The following SVEP1 variants were observed in gnomAD, a reference collection of about 807,000 sequenced individuals.
SVEP1 encodes the protein sushi, von Willebrand factor type A, EGF and pentraxin domain containing 1.
A neutral mutation model predicts 367.3 loss-of-function variants in SVEP1; 164 were observed. The observed-to-expected ratio is 0.45, with a 90% CI of 0.39 to 0.51. The LOEUF is 0.51. Ranked by LOEUF, SVEP1 falls within the 20% of genes least tolerant of loss-of-function variation. SVEP1 has a pLI of 0.00. For missense variants in SVEP1, 4,117 were observed against 4,425.3 expected, an observed-to-expected ratio of 0.93 and a Z score of 1.98; for synonymous variants, 1,666 against 1,611.6, an observed-to-expected ratio of 1.03 and a Z score of -0.81.
At chr9:110,483,868 A>G (rs991115593) in intron 9 of SVEP1, among the ~76,000 whole-genome samples, 175 bp from the exon 10 acceptor site, 4 of 152,190 alleles carry the variant, frequency 2.6e-5, no homozygotes, top group Admixed American at 6.5e-5. Context: ...ACACCAAAGG[A>G]AAGAGCTGCT....
At chr9:110,524,976 T>A (rs948038251) in intron 3 of SVEP1, among the ~76,000 whole-genome samples, 2 of 152,116 alleles carry the variant, frequency 1.3e-5, no homozygotes. Flanking sequence ...CTTCCCGAAG[T>A]GCTGGGACTT....
chr9:110,512,563 T>G (rs571694983), intron 5 of SVEP1, among the ~76,000 whole-genome samples: 1 of 152,168 alleles, frequency 6.6e-6, no homozygotes, highest in African/African-American at 2.4e-5. Flanking sequence ...AGGATACTTG[T>G]GTGATTCCTT....
In SVEP1 at chr9:110,406,693, G is replaced by A; in HGVS notation, c.8907C>T (p.Gly2969=). 2 of 1,613,958 alleles carry A rather than the reference G, an allele frequency of 1.2e-6. No homozygotes were observed. Among genetic ancestry groups the A allele is most frequent in the Non-Finnish European group, 1.7e-6 (2 of 1,179,884 alleles). Residue 2969 remains glycine (G), a synonymous_variant, in exon 38 of 48, where the codon GGC becomes GGT. Transcript: ENST00000374469. Reference sequence around the variant, plus strand: ...CAGGAAAGCACTGATACTGTATATGGCCCCCATGAATAAAGGAAAAACCAT... The same window carrying A: ...CAGGAAAGCACTGATACTGTATATGACCCCCATGAATAAAGGAAAAACCAT... ...FPNGFSFIHG[G]HIQYQCFPGY...
intron 36 of SVEP1, among the ~76,000 whole-genome samples, chr9:110,423,158 AAAAAT>A (rs1588045548): frequency 1.5e-5 from 2 of 135,026 alleles, no homozygotes; most frequent in African/African-American, 2.9e-5. Context: ...AAAAAAATAA[AAAAAT>A]AAAGTAAAAA....
At chr9:110,447,260 C>T (rs541739392) in intron 24 of SVEP1, among the ~76,000 whole-genome samples, 1 of 152,252 alleles carries the variant, frequency 6.6e-6, no homozygotes, top group South Asian at 2.1e-4. Context: ...TGTGCAGTAG[C>T]AAAAATAAAG....
chr9:110,573,340 C>T (rs1285003281), intron 1 of SVEP1, among the ~76,000 whole-genome samples: 1 of 152,142 alleles, frequency 6.6e-6, no homozygotes, highest in African/African-American at 2.4e-5. Flanking sequence ...TAAAAAGAGA[C>T]ACTTTCTTCC....
rs564474347 is a variant in SVEP1 at position 110,431,075 on chromosome 9, G to T, written c.5354-625C>A. Among the ~76,000 whole-genome samples, 4 of 152,318 alleles carry T rather than the reference G, an allele frequency of 2.6e-5. No individual in the cohort carries two copies. The South Asian group carries it at 8.3e-4, about 32-fold the overall frequency. Reference sequence around the variant, plus strand: ...GGCCATTTGAGCTATATAAGTCAAGGAGTTTAAACAAATTCTTAAAGTAAA... The same window carrying T: ...GGCCATTTGAGCTATATAAGTCAAGTAGTTTAAACAAATTCTTAAAGTAAA... On this transcript the variant is annotated intron_variant, in intron 32 of 47. Coordinates refer to ENST00000374469, the MANE Select transcript of SVEP1 (RefSeq NM_153366.4).
chr9:110,478,473 C>T (rs1423490710), intron 13 of SVEP1, among the ~76,000 whole-genome samples: 1 of 152,118 alleles, frequency 6.6e-6, no homozygotes, highest in African/African-American at 2.4e-5. Context: ...CTTTAACCTG[C>T]TACAATTTAG....
In SVEP1 at chr9:110,469,072, G is replaced by A. The variant is rs1338214800; in HGVS notation, c.3028C>T (p.Leu1010=). 3 of 1,613,430 alleles carry A rather than the reference G, an allele frequency of 1.9e-6. No homozygotes were observed. Among genetic ancestry groups the A allele is most frequent in the Non-Finnish European group, 2.5e-6 (3 of 1,179,688 alleles). ...CAGCTTTCACAGGTGAAATGTTCCA[G>A]ATTATAATAGGTTCCCAAAGGGCAA... The part of the protein sequence containing the change: ...VNCPLGTYYN[L]EHFTCESCRI... The change falls in exon 17 of 48, where the codon CTG becomes TTG. Residue 1010 remains leucine, a synonymous_variant. Transcript: ENST00000374469.
chr9:110,389,247 A>G (rs1166829176), intron 41 of SVEP1, among the ~76,000 whole-genome samples: 4 of 152,166 alleles, frequency 2.6e-5, no homozygotes, highest in Admixed American at 2.0e-4. Context: ...AAATGCTAAT[A>G]AACTCAATAA....
chr9:110,519,536 T>G (rs1829851896), intron 3 of SVEP1, among the ~76,000 whole-genome samples: 1 of 152,174 alleles, frequency 6.6e-6, no homozygotes, highest in African/African-American at 2.4e-5. Flanking sequence ...CCCATTCCTC[T>G]GCACTGGCAC....
At chr9:110,519,528 C>T (rs1829851807) in intron 3 of SVEP1, among the ~76,000 whole-genome samples, 1 of 152,174 alleles carries the variant, frequency 6.6e-6, no homozygotes, top group South Asian at 2.1e-4. Context: ...GTACACTACC[C>T]ATTCCTCTGC....
chr9:110,564,635 C>A (rs904724594), intron 1 of SVEP1, among the ~76,000 whole-genome samples: 7 of 151,898 alleles, frequency 4.6e-5, no homozygotes, highest in Non-Finnish European at 1.0e-4. Context: ...TCCAAATAAA[C>A]GACATTTGGA....
In SVEP1 at chr9:110,491,677, G is replaced by T. The variant is rs530908376; in HGVS notation, c.1801-1898C>A. The stretch of plus-strand genomic sequence containing the variant: ...TTTTGCTCCAGGAAATTACATCAGG[G>T]ATACAAAGAGTAAGTTTAAAAGTCT... On this transcript the variant is annotated intron_variant, in intron 8 of 47. Coordinates refer to ENST00000374469, the MANE Select transcript of SVEP1 (RefSeq NM_153366.4). Among the ~76,000 whole-genome samples, 15 of 151,440 alleles carry T rather than the reference G, an allele frequency of 9.9e-5. 1 individual carries two copies. The East Asian group carries it at 1.7e-3, about 18-fold the overall frequency.
intron 27 of SVEP1, among the ~76,000 whole-genome samples, chr9:110,439,350 A>T (rs746570615): frequency 6.6e-6 from 1 of 152,100 alleles, no homozygotes; most frequent in Non-Finnish European, 1.5e-5. Flanking sequence ...CTGATCTCAG[A>T]CTTCTAGCCT....
chr9:110,512,491 T>TA (rs1465383029), intron 5 of SVEP1, among the ~76,000 whole-genome samples: 1 of 152,116 alleles, frequency 6.6e-6, no homozygotes, highest in Non-Finnish European at 1.5e-5. Flanking sequence ...CTACTTTCTA[T>TA]AACGGGTCGA....
At position 110,468,924 on chromosome 9, in the gene SVEP1, T is replaced by C; in HGVS notation, c.3160+16A>G. ...AATTGGGCTGCTTCTAGTTGAAATG[T>C]CCAGTAAGCCTCTACCTTTACAATC... On this transcript the variant is annotated intron_variant, in intron 17 of 47. Transcript: ENST00000374469. 6.5e-7 allele frequency: 1 copy of C among 1,535,634 alleles called. No homozygotes were observed. Among genetic ancestry groups the C allele is most frequent in the South Asian group, 1.2e-5 (1 of 80,114 alleles).
chr9:110,575,421 G>A (rs1830615376), intron 1 of SVEP1, among the ~76,000 whole-genome samples: 1 of 152,172 alleles, frequency 6.6e-6, no homozygotes, highest in Non-Finnish European at 1.5e-5. Flanking sequence ...GTTCTTCCTG[G>A]ATGGAGTAGA....
chr9:110,559,962 G>A (rs1830404722), intron 1 of SVEP1, among the ~76,000 whole-genome samples: 1 of 152,086 alleles, frequency 6.6e-6, no homozygotes. Flanking sequence ...TAGTGTGCAT[G>A]TATGTGGAAA....
Sources: allele counts gnomAD v4.1 joint callset (sites outside exome capture counted in the v4.1 genomes callset), GRCh38; gene constraint gnomAD v4.1.1; transcripts MANE v1.5; gene names NCBI Gene and HGNC (gene_info 2026-07-23, HGNC 2026-07-21).